Variants in RABGAP1L observed in about 807,000 individuals in gnomAD.
RABGAP1L encodes the protein RAB GTPase activating protein 1 like.
RABGAP1L carries 63 observed loss-of-function variants against 137.7 expected under a neutral mutation model. That is an observed-to-expected ratio of 0.46 (90% CI 0.37 to 0.56). The LOEUF is 0.56. Among genes scored for constraint, RABGAP1L ranks in the 20% least tolerant of loss-of-function variants. RABGAP1L has a pLI of 0.00. For synonymous variants in RABGAP1L, 431 were observed against 433.7 expected, an observed-to-expected ratio of 0.99 and a Z score of 0.08; for missense variants, 1,095 against 1,244.0, an observed-to-expected ratio of 0.88 and a Z score of 1.80.
At chr1:174,474,262 T>G (rs1442774689) in intron 13 of RABGAP1L, among the ~76,000 whole-genome samples, 2 of 152,218 alleles carry the variant, frequency 1.3e-5, no homozygotes. Flanking sequence ...TCTGTTAATT[T>G]CTGAGATTGT....
At chr1:174,264,509 A>G (rs1673883575) in intron 7 of RABGAP1L, among the ~76,000 whole-genome samples, 1 of 152,150 alleles carries the variant, frequency 6.6e-6, no homozygotes, top group Non-Finnish European at 1.5e-5. Flanking sequence ...TATATATTCA[A>G]CAACTTCAGA....
chr1:174,262,448 T>TA (rs1038140157), intron 7 of RABGAP1L, among the ~76,000 whole-genome samples: 1 of 152,166 alleles, frequency 6.6e-6, no homozygotes, highest in African/African-American at 2.4e-5. Flanking sequence ...TGGAGCTCAT[T>TA]AAAAAAAATT....
chr1:174,372,407 G>A (rs942906051), intron 12 of RABGAP1L, among the ~76,000 whole-genome samples: 8 of 151,992 alleles, frequency 5.3e-5, no homozygotes, highest in Non-Finnish European at 1.0e-4. Flanking sequence ...TGCTTTTTTC[G>A]GCGGGGGGAT....
At chr1:174,865,124 A>AAAGT (rs1358937364) in intron 19 of RABGAP1L, among the ~76,000 whole-genome samples, 1 of 151,946 alleles carries the variant, frequency 6.6e-6, no homozygotes, top group Non-Finnish European at 1.5e-5. Flanking sequence ...TGTCTCAAAA[A>AAAGT]AAGTAAATAA....
At chr1:174,922,052 A>T (rs893807094) in intron 19 of RABGAP1L, 1 of 152,016 alleles carries the variant, frequency 6.6e-6, no homozygotes, top group African/African-American at 2.4e-5. Flanking sequence ...TTTCCATTTT[A>T]TTTTTCTCCA....
intron 1 of RABGAP1L, among the ~76,000 whole-genome samples, chr1:174,161,072 C>T (rs1664395298): frequency 6.6e-6 from 1 of 152,194 alleles, no homozygotes; most frequent in African/African-American, 2.4e-5. Context: ...GAGGGGTTAG[C>T]TCTAGACTTT....
intron 17 of RABGAP1L, among the ~76,000 whole-genome samples, chr1:174,709,243 G>A (rs894193410): frequency 1.1e-4 from 16 of 152,166 alleles, no homozygotes; most frequent in African/African-American, 3.6e-4. Context: ...GGCTGTGGGC[G>A]CAGCTTCAGC....
intron 13 of RABGAP1L, among the ~76,000 whole-genome samples, chr1:174,432,862 A>T (rs1463184787): frequency 3.3e-5 from 5 of 152,154 alleles, no homozygotes; most frequent in Non-Finnish European, 5.9e-5. Context: ...AATGTACTTT[A>T]AAAAAGGAAT....
At chr1:174,210,428 G>A (rs1486822125) in intron 1 of RABGAP1L, among the ~76,000 whole-genome samples, 1 of 152,190 alleles carries the variant, frequency 6.6e-6, no homozygotes, top group African/African-American at 2.4e-5. Context: ...TTTTGGAATT[G>A]AAAAATGCTG....
At chr1:174,405,341 C>T (rs1339253419) in intron 13 of RABGAP1L, among the ~76,000 whole-genome samples, 1 of 152,072 alleles carries the variant, frequency 6.6e-6, no homozygotes, top group Non-Finnish European at 1.5e-5. Flanking sequence ...AGTAAAATAA[C>T]ACTCAATACT....
At chr1:174,655,053 C>T (rs1025831351) in intron 14 of RABGAP1L, among the ~76,000 whole-genome samples, 1 of 152,112 alleles carries the variant, frequency 6.6e-6, no homozygotes, top group African/African-American at 2.4e-5. Flanking sequence ...CTCATAAAAG[C>T]TACAAGTTCA....
chr1:174,492,514 G>A (rs1660354161), intron 13 of RABGAP1L, among the ~76,000 whole-genome samples: 1 of 151,866 alleles, frequency 6.6e-6, no homozygotes, highest in Non-Finnish European at 1.5e-5. Context: ...CTCTCGGCTA[G>A]TTCTTTTGTA....
At chr1:174,931,678 C>G (rs1406457336) in intron 19 of RABGAP1L, among the ~76,000 whole-genome samples, 2 of 152,152 alleles carry the variant, frequency 1.3e-5, no homozygotes, top group Non-Finnish European at 2.9e-5. Flanking sequence ...ACTGATGGTA[C>G]TTTAGATGTG....
intron 18 of RABGAP1L, among the ~76,000 whole-genome samples, chr1:174,776,641 T>C (rs1686549888): frequency 1.3e-5 from 2 of 152,240 alleles, no homozygotes. Context: ...TAGACATAGT[T>C]CCTAAATCTT....
chr1:174,366,588 G>A (rs1684628077), intron 11 of RABGAP1L, among the ~76,000 whole-genome samples: 1 of 151,776 alleles, frequency 6.6e-6, no homozygotes, highest in Non-Finnish European at 1.5e-5. Context: ...TGGCCAAAAT[G>A]GTGAAACCTC....
chr1:174,555,248 A>T (rs1336275987), intron 13 of RABGAP1L, among the ~76,000 whole-genome samples: 1 of 152,220 alleles, frequency 6.6e-6, no homozygotes, highest in Non-Finnish European at 1.5e-5. Context: ...ATTATCTTTC[A>T]TACTCAATTT....
intron 18 of RABGAP1L, among the ~76,000 whole-genome samples, chr1:174,791,534 A>G (rs1054531930): frequency 6.6e-6 from 1 of 152,238 alleles, no homozygotes; most frequent in Non-Finnish European, 1.5e-5. Context: ...TGAGAGGATC[A>G]GGGAATAGTC....
At chr1:174,415,149 A>G (rs1441193105) in intron 13 of RABGAP1L, among the ~76,000 whole-genome samples, 2 of 152,090 alleles carry the variant, frequency 1.3e-5, no homozygotes, top group Non-Finnish European at 2.9e-5. Context: ...TATTCGTTAG[A>G]TTGTTTCAAA....
At position 174,238,311 on chromosome 1, in the gene RABGAP1L, A is replaced by G. The variant is rs555891077; in HGVS notation, c.543-3172A>G. ...ATCCAGGTTTGTTCCGTTGCCGGTG[A>G]GGAACTGCGTTCCTTTGGAGGAGGA... On this transcript the variant is annotated intron_variant, in intron 4 of 25. Coordinates refer to ENST00000681986, the MANE Select transcript of RABGAP1L (RefSeq NM_001366446.1). Among the ~76,000 whole-genome samples the G allele has an allele frequency of 3.9e-3, 597 of 152,290 alleles. 5 individuals are homozygous for G. Among genetic ancestry groups the G allele is most frequent in the African/African-American group, 0.012 (516 of 41,520 alleles).
Sources: allele counts gnomAD v4.1 joint callset (sites outside exome capture counted in the v4.1 genomes callset), GRCh38; gene constraint gnomAD v4.1.1; transcripts MANE v1.5; gene names NCBI Gene and HGNC (gene_info 2026-07-23, HGNC 2026-07-21).